PCDH11X: variants seen among roughly 807,000 people sequenced by gnomAD.
PCDH11X encodes the protein protocadherin 11 X-linked, also known as protocadherin-11 X-linked.
PCDH11X carries 18 observed loss-of-function variants against 53.3 expected under a neutral mutation model. That is an observed-to-expected ratio of 0.34 (90% CI 0.23 to 0.50). PCDH11X has a LOEUF of 0.50. Ranked by LOEUF, PCDH11X falls within the 20% of genes least tolerant of loss-of-function variation. The pLI is 0.98. For synonymous variants in PCDH11X, 279 were observed against 393.3 expected (o/e 0.71, Z 3.44); for missense variants, 570 against 1,032.4 (o/e 0.55, Z 6.14).
intron 7 of PCDH11X, among the ~76,000 whole-genome samples, chrX:92,205,126 C>T (rs2066453324): frequency 9.0e-6 from 1 of 111,730 alleles, no homozygotes; most frequent in Non-Finnish European, 1.9e-5. Flanking sequence ...GTTCCTCCAA[C>T]AGTTCAGCCT....
At chrX:92,382,696 C>T (rs192401876) in intron 8 of PCDH11X, among the ~76,000 whole-genome samples, 1 of 111,340 alleles carries the variant, frequency 9.0e-6, no homozygotes, top group Non-Finnish European at 1.9e-5. Context: ...GGAGAGGTAT[C>T]CTGTGCTATT....
intron 5 of PCDH11X, among the ~76,000 whole-genome samples, chrX:91,853,191 AAC>A: frequency 9.0e-6 from 1 of 111,357 alleles, no homozygotes; most frequent in Middle Eastern, 4.7e-3. Flanking sequence ...ACTGAAGGGG[AAC>A]ACAGTGCTAA....
rs2074321476 is a variant in PCDH11X at position 92,518,982 on chromosome X, C to T, written c.3367+50660C>T. ...CCGTGTTAGCCAGGATGGTCTTGAT[C>T]TCCTGACCTCGTGATCCGCCTTCAT... On this transcript the variant is annotated intron_variant, in intron 10 of 10. Coordinates refer to ENST00000682573, the MANE Select transcript of PCDH11X (RefSeq NM_032968.5). Among the ~76,000 whole-genome samples, 3 of 109,467 alleles carry T rather than the reference C, an allele frequency of 2.7e-5. No individual in the cohort carries two copies. The Admixed American group carries it at 3.0e-4, about 11-fold the overall frequency.
At chrX:92,410,588 G>A (rs1237231800) in intron 9 of PCDH11X, among the ~76,000 whole-genome samples, 3 of 95,925 alleles carry the variant, frequency 3.1e-5, no homozygotes, top group African/African-American at 1.2e-4. Context: ...AAGAAACAAA[G>A]GAAAATATAG....
chrX:92,112,273 G>T (rs1213297906), intron 6 of PCDH11X, among the ~76,000 whole-genome samples: 1 of 107,773 alleles, frequency 9.3e-6, no homozygotes, highest in Non-Finnish European at 1.9e-5. Context: ...ATAGCAGGCA[G>T]GCTCATAGAT....
chrX:92,114,316 G>A, intron 6 of PCDH11X: 1 of 934,751 alleles, frequency 1.1e-6, no homozygotes, highest in Non-Finnish European at 1.5e-6. Context: ...AAAACCATAG[G>A]CATAGATGTC....
intron 10 of PCDH11X, among the ~76,000 whole-genome samples, chrX:92,490,341 G>T (rs1036836498): frequency 2.5e-4 from 28 of 111,086 alleles, no homozygotes; most frequent in Non-Finnish European, 4.5e-4. Context: ...ATTTCTACAG[G>T]TTTTTCCCTT....
intron 10 of PCDH11X, among the ~76,000 whole-genome samples, chrX:92,486,911 C>T (rs2073653072): frequency 9.3e-6 from 1 of 107,003 alleles, no homozygotes; most frequent in Non-Finnish European, 1.9e-5. Context: ...TCATATAATA[C>T]TTTGTTAAAT....
At chrX:92,160,836 A>G (rs1278117322) in intron 6 of PCDH11X, among the ~76,000 whole-genome samples, 2 of 109,811 alleles carry the variant, frequency 1.8e-5, no homozygotes, top group African/African-American at 6.6e-5. Flanking sequence ...GACAACATGT[A>G]TTATTTTTTG....
intron 8 of PCDH11X, among the ~76,000 whole-genome samples, chrX:92,325,380 A>G (rs1229168731): frequency 1.8e-5 from 2 of 111,222 alleles, no homozygotes; most frequent in East Asian, 5.7e-4. Flanking sequence ...ATACATTTTA[A>G]AAAGAAGTAT....
At position 92,046,830 on chromosome X, in the gene PCDH11X, T is replaced by C. The variant is rs1208482352; in HGVS notation, c.3034-154545T>C. Among the ~76,000 whole-genome samples the C allele has an allele frequency of 4.7e-5, 5 of 107,294 alleles. 1 individual carries two copies. The East Asian group carries it at 1.5e-3, about 33-fold the overall frequency. 93.2% of individuals were successfully genotyped at this position (107,294 alleles called of 115,157 possible). On this transcript the variant is annotated intron_variant, in intron 6 of 10. Transcript: ENST00000682573. The stretch of plus-strand genomic sequence containing the variant: ...TTACTATTAGAAATACAAAAACTTT[T>C]ACAAAAATCTTGACTCAAGGCTCTT...
At chrX:92,364,394 T>C (rs948143863) in intron 8 of PCDH11X, among the ~76,000 whole-genome samples, 1 of 111,542 alleles carries the variant, frequency 9.0e-6, no homozygotes, top group African/African-American at 3.3e-5. Flanking sequence ...TTTGTGTATC[T>C]AAACATAGAA....
chrX:92,122,986 C>T (rs1453913002), intron 6 of PCDH11X, among the ~76,000 whole-genome samples: 1 of 110,809 alleles, frequency 9.0e-6, no homozygotes, highest in Non-Finnish European at 1.9e-5. Context: ...AAATCATAAT[C>T]TGAATGTATT....
At chrX:91,894,788 A>T (rs1940672376) in intron 6 of PCDH11X, among the ~76,000 whole-genome samples, 1 of 111,302 alleles carries the variant, frequency 9.0e-6, no homozygotes, top group Non-Finnish European at 1.9e-5. Flanking sequence ...CAACTCAGAA[A>T]ATAGACTTGC....
intron 1 of PCDH11X, among the ~76,000 whole-genome samples, chrX:91,803,473 T>G (rs1310060453): frequency 1.8e-5 from 2 of 111,648 alleles, no homozygotes; most frequent in African/African-American, 6.5e-5. Context: ...TTATTTATGT[T>G]AGTGTAAGTG....
At chrX:92,331,751 C>T (rs1359157356) in intron 8 of PCDH11X, among the ~76,000 whole-genome samples, 1 of 110,832 alleles carries the variant, frequency 9.0e-6, no homozygotes, top group African/African-American at 3.3e-5. Context: ...AACCAATTTA[C>T]ACCTTAAAAC....
At chrX:91,803,990 A>G (rs1936018187) in intron 1 of PCDH11X, among the ~76,000 whole-genome samples, 1 of 111,611 alleles carries the variant, frequency 9.0e-6, no homozygotes, top group Non-Finnish European at 1.9e-5. Context: ...TCAATCACAT[A>G]GGGATAGAGA....
chrX:91,884,541 T>A (rs1326377940), intron 6 of PCDH11X, among the ~76,000 whole-genome samples: 1 of 111,297 alleles, frequency 9.0e-6, no homozygotes, highest in Non-Finnish European at 1.9e-5. Context: ...ACATCATTGC[T>A]TTGAGTAATT....
At chrX:92,549,270 G>A (rs186276478) in intron 10 of PCDH11X, among the ~76,000 whole-genome samples, 48 of 107,548 alleles carry the variant, frequency 4.5e-4, no homozygotes, top group Non-Finnish European at 7.7e-4. Context: ...GCCTTATATT[G>A]CCTTATTTTG....
Sources: allele counts gnomAD v4.1 joint callset (sites outside exome capture counted in the v4.1 genomes callset), GRCh38; gene constraint gnomAD v4.1.1; transcripts MANE v1.5; gene names NCBI Gene and HGNC (gene_info 2026-07-23, HGNC 2026-07-21).